The following TENM2 variants were observed in gnomAD, a reference collection of about 807,000 sequenced individuals.
TENM2 encodes teneurin-2.
In TENM2, 52 loss-of-function variants were observed where a neutral mutation model predicts 245.2. The ratio of observed to expected loss-of-function variants is 0.21; its 90% CI spans 0.17 to 0.27. The LOEUF is 0.27. Among genes scored for constraint, TENM2 ranks in the 10% least tolerant of loss-of-function variants. The pLI is 1.00. For missense variants in TENM2, 3,046 were observed against 3,666.8 expected, an observed-to-expected ratio of 0.83 and a Z score of 4.37; for synonymous variants, 1,363 against 1,438.9, an observed-to-expected ratio of 0.95 and a Z score of 1.19.
intron 2 of TENM2, among the ~76,000 whole-genome samples, chr5:167,690,923 ATGTGTGTGTGTGTGTGTG>A (rs375456466): frequency 6.4e-5 from 5 of 78,732 alleles, no homozygotes; most frequent in Non-Finnish European, 1.3e-4. Context: ...ATATGCGAGT[ATGTGTGTGTGTGTGTGTG>A]TGTGTGTGTG....
intron 2 of TENM2, among the ~76,000 whole-genome samples, chr5:167,448,389 G>A (rs1765360395): frequency 6.6e-6 from 1 of 151,734 alleles, no homozygotes; most frequent in South Asian, 2.1e-4. Flanking sequence ...TAAGCAATAA[G>A]CGTCTGTCTG....
In TENM2 at chr5:167,959,225, C is replaced by T. The variant is rs1320752147; in HGVS notation, c.947+6403C>T. Among the ~76,000 whole-genome samples the T allele has an allele frequency of 6.2e-5, 9 of 146,080 alleles. 1 individual carries two copies. Among genetic ancestry groups the T allele is most frequent in the Admixed American group, 1.4e-4 (2 of 14,346 alleles). ...TTTTTCTTTTTTTGAGATGGAGTCT[C>T]GCTCTGTCGCCCAGGCTGGAGTGCA... On this transcript the variant is annotated intron_variant, in intron 4 of 28. Coordinates refer to ENST00000518659, the Ensembl canonical transcript of TENM2.
Position 168,215,094 on chromosome 5 carries a change from C to T in TENM2, c.3900C>T (p.Leu1300=), listed in dbSNP as rs778518971. 1.9e-6 allele frequency: 3 copies of T among 1,613,850 alleles called. No homozygotes were observed. The South Asian group carries it at 3.3e-5, about 18-fold the overall frequency. Residue 1300 remains leucine (L), a synonymous_variant, in exon 21 of 29, where the codon CTC becomes CTT. Coordinates refer to ENST00000518659, the Ensembl canonical transcript of TENM2. ...CAGTGGACCCCGTGTCCGGCTCGCT[C>T]TACGTGTCCGACACCAACAGCAGGA...
the TENM2 span, among the ~76,000 whole-genome samples, chr5:167,197,243 C>T: frequency 6.6e-6 from 1 of 152,058 alleles, no homozygotes; most frequent in Non-Finnish European, 1.5e-5. Context: ...GGGTTCAAAC[C>T]CACAGCTGTC....
the TENM2 span, among the ~76,000 whole-genome samples, chr5:167,091,952 T>C: frequency 5.3e-5 from 8 of 152,186 alleles, no homozygotes; most frequent in Admixed American, 5.2e-4. Context: ...TGGCTTTTGT[T>C]GATCACATTT....
intron 5 of TENM2, among the ~76,000 whole-genome samples, chr5:168,044,944 A>G (rs1238771888): frequency 6.6e-6 from 1 of 151,874 alleles, no homozygotes; most frequent in African/African-American, 2.4e-5. Context: ...AAAAAAAAAA[A>G]GTGCCAACAA....
chr5:168,148,873 T>TGATAGATAGATAGATA (rs752440206), intron 12 of TENM2, among the ~76,000 whole-genome samples: 3 of 143,928 alleles, frequency 2.1e-5, no homozygotes, highest in East Asian at 2.0e-4. Context: ...TAAATATATA[T>TGATAGATAGATAGATA]GATAGATAGA....
chr5:167,926,572 G>A (rs1190722052), intron 3 of TENM2, among the ~76,000 whole-genome samples: 2 of 152,134 alleles, frequency 1.3e-5, no homozygotes, highest in Admixed American at 1.3e-4. Flanking sequence ...ATCCAAAATA[G>A]TAGCTGGGCT....
chr5:167,009,754 A>G, the TENM2 span, among the ~76,000 whole-genome samples: 1 of 152,122 alleles, frequency 6.6e-6, no homozygotes, highest in South Asian at 2.1e-4. Context: ...TCCTAATTAA[A>G]GCTTAAATCT....
the TENM2 span, among the ~76,000 whole-genome samples, chr5:167,072,934 C>T: frequency 1.3e-5 from 2 of 152,180 alleles, no homozygotes; most frequent in African/African-American, 2.4e-5. Context: ...TGTATTTCTG[C>T]ATTTGTAGTA....
intron 4 of TENM2, among the ~76,000 whole-genome samples, chr5:167,975,686 G>T (rs913939846): frequency 2.6e-5 from 4 of 152,050 alleles, no homozygotes; most frequent in African/African-American, 4.8e-5. Context: ...AGAAAATATT[G>T]TACCTATGGC....
At chr5:168,006,183 C>T (rs550469758) in intron 5 of TENM2, among the ~76,000 whole-genome samples, 1 of 152,276 alleles carries the variant, frequency 6.6e-6, no homozygotes, top group South Asian at 2.1e-4. Context: ...CCCCAGCATC[C>T]TAAGAGACTC....
At chr5:167,911,083 A>T (rs564044111) in intron 3 of TENM2, among the ~76,000 whole-genome samples, 8 of 152,364 alleles carry the variant, frequency 5.3e-5, no homozygotes, top group African/African-American at 1.9e-4. Context: ...TCAAGAATTA[A>T]GAGTAATTTT....
intron 2 of TENM2, among the ~76,000 whole-genome samples, chr5:167,520,101 A>G (rs1184850617): frequency 6.6e-6 from 1 of 152,212 alleles, no homozygotes; most frequent in Non-Finnish European, 1.5e-5. Context: ...AGAGTTAATC[A>G]TACCAGATAT....
chr5:167,650,206 A>G (rs1754360011), intron 2 of TENM2, among the ~76,000 whole-genome samples: 2 of 152,164 alleles, frequency 1.3e-5, no homozygotes, highest in African/African-American at 4.8e-5. Flanking sequence ...AAGAATTTCC[A>G]CTTTGCTTTG....
At chr5:168,205,989 G>A (rs1762320209) in intron 19 of TENM2, among the ~76,000 whole-genome samples, 1 of 152,166 alleles carries the variant, frequency 6.6e-6, no homozygotes, top group Non-Finnish European at 1.5e-5. Context: ...AAAGAGGAGT[G>A]CTCCAATTAG....
chr5:167,540,818 T>G (rs542678740), intron 2 of TENM2, among the ~76,000 whole-genome samples: 2 of 152,320 alleles, frequency 1.3e-5, no homozygotes, highest in South Asian at 2.1e-4. Flanking sequence ...CTATAGAAAC[T>G]GAGGATTTAA....
At chr5:167,546,793 A>T (rs936023512) in intron 2 of TENM2, among the ~76,000 whole-genome samples, 1 of 152,160 alleles carries the variant, frequency 6.6e-6, no homozygotes, top group Non-Finnish European at 1.5e-5. Context: ...CATGCTCAAA[A>T]GACTAAACTA....
intron 25 of TENM2, among the ~76,000 whole-genome samples, chr5:168,228,789 G>A (rs1028581066): frequency 4.0e-5 from 6 of 151,480 alleles, no homozygotes; most frequent in East Asian, 1.9e-4. Context: ...GCCAACCCTC[G>A]TTTTCCCAGA....
Sources: gnomAD v4.1 joint callset for allele counts (sites outside exome capture counted in the v4.1 genomes callset) on GRCh38, gnomAD v4.1.1 for gene constraint, MANE v1.5 for transcripts, NCBI Gene and HGNC (gene_info 2026-07-23, HGNC 2026-07-21) for gene names.